The following PCDH15 variants were observed in gnomAD, a reference collection of about 807,000 sequenced individuals.
The protein encoded by PCDH15 is protocadherin-15.
PCDH15 carries 129 observed loss-of-function variants against 178.5 expected under a neutral mutation model. The observed-to-expected ratio is 0.72, with a 90% CI of 0.63 to 0.84. PCDH15 has a LOEUF of 0.84. PCDH15 is among the 40% of genes least tolerant of loss of function. The pLI is 0.00. For missense variants in PCDH15, 2,230 were observed against 2,099.9 expected, an observed-to-expected ratio of 1.06 and a Z score of -1.21; for synonymous variants, 800 against 732.0, an observed-to-expected ratio of 1.09 and a Z score of -1.50.
intron 15 of PCDH15, among the ~76,000 whole-genome samples, chr10:54,118,336 G>T (rs1000555506): frequency 6.6e-6 from 1 of 152,122 alleles, no homozygotes; most frequent in South Asian, 2.1e-4. Context: ...ATAGAAGAAT[G>T]AAACTGGATT....
chr10:55,536,347 C>T (rs977826211), intron 2 of PCDH15, among the ~76,000 whole-genome samples: 10 of 151,950 alleles, frequency 6.6e-5, no homozygotes, highest in African/African-American at 2.2e-4. Flanking sequence ...TGTCAGTTCC[C>T]AGATCCTATT....
intron 1 of PCDH15, among the ~76,000 whole-genome samples, chr10:55,261,129 A>C (rs931131271): frequency 2.0e-5 from 3 of 152,220 alleles, no homozygotes; most frequent in African/African-American, 7.2e-5. Flanking sequence ...CAACAAATCA[A>C]AATTCTTTAG....
intron 3 of PCDH15, among the ~76,000 whole-genome samples, chr10:54,436,307 G>A (rs944602376): frequency 6.6e-6 from 1 of 151,848 alleles, no homozygotes. Flanking sequence ...AGAAAGTAAA[G>A]TTACCCTGGC....
chr10:54,153,325 T>TG, intron 13 of PCDH15, 32 bp from the exon 14 acceptor site: 1 of 1,612,152 alleles, frequency 6.2e-7, no homozygotes, highest in Non-Finnish European at 8.5e-7. Context: ...TAAATCCTCT[T>TG]GGGTCTCAAC....
chr10:54,218,313 A>AC (rs1208636102), intron 9 of PCDH15, among the ~76,000 whole-genome samples: 1 of 152,200 alleles, frequency 6.6e-6, no homozygotes. Flanking sequence ...CCACATACAT[A>AC]CCACTCAATA....
intron 20 of PCDH15, 34 bp from the exon 21 acceptor site, chr10:53,995,799 T>C: frequency 6.3e-7 from 1 of 1,593,732 alleles, no homozygotes; most frequent in South Asian, 1.1e-5. Flanking sequence ...AGTACTTCAG[T>C]TGAAACCAGG....
rs1843311536 is a variant in PCDH15, at chr10:55,302,497, G to A, written c.-156+17102C>T. Among the ~76,000 whole-genome samples the A allele has an allele frequency of 4.6e-5, 7 of 152,174 alleles. No homozygotes were observed. In the South Asian group the frequency reaches 1.5e-3, roughly 32 times the overall value. On this transcript the variant is annotated intron_variant, in intron 1 of 5. Coordinates refer to the PCDH15 transcript ENST00000458638. ...AGGGTAAGTTGGCAGGCTGACCAAG[G>A]AAAACCGTATTTTGCACCTAGAGTG...
chr10:54,841,311 C>T (rs1953413056), intron 3 of PCDH15, among the ~76,000 whole-genome samples: 1 of 151,704 alleles, frequency 6.6e-6, no homozygotes, highest in African/African-American at 2.4e-5. Flanking sequence ...CACTCAAAAA[C>T]AACCAATGAG....
At chr10:53,964,667 T>G (rs2134342599) in intron 21 of PCDH15, among the ~76,000 whole-genome samples, 1 of 152,222 alleles carries the variant, frequency 6.6e-6, no homozygotes, top group Middle Eastern at 3.4e-3. Flanking sequence ...GTTAGGGAAC[T>G]GCCAGTTCTG....
chr10:54,667,066 T>C (rs1694666533), intron 1 of PCDH15, among the ~76,000 whole-genome samples: 1 of 151,994 alleles, frequency 6.6e-6, no homozygotes, highest in African/African-American at 2.4e-5. Flanking sequence ...ACAAAACTCA[T>C]AAAAAATCTA....
At chr10:54,410,646 A>G (rs1414152450) in intron 3 of PCDH15, among the ~76,000 whole-genome samples, 2 of 152,150 alleles carry the variant, frequency 1.3e-5, no homozygotes, top group African/African-American at 4.8e-5. Flanking sequence ...AATCTCATTC[A>G]CGTTTTGATG....
intron 2 of PCDH15, among the ~76,000 whole-genome samples, chr10:55,547,938 A>AGAGAGAGG (rs1841924825): frequency 6.7e-6 from 1 of 149,608 alleles, no homozygotes; most frequent in African/African-American, 2.5e-5. Context: ...AGAGAGAGAG[A>AGAGAGAGG]GAGAGAGAGA....
chr10:54,328,104 T>G (rs955509848), intron 7 of PCDH15, among the ~76,000 whole-genome samples: 1 of 151,996 alleles, frequency 6.6e-6, no homozygotes, highest in Admixed American at 6.6e-5. Context: ...TTCACTGACC[T>G]AAAAATATTT....
At chr10:54,472,496 T>G (rs1467691099) in intron 3 of PCDH15, among the ~76,000 whole-genome samples, 1 of 152,168 alleles carries the variant, frequency 6.6e-6, no homozygotes, top group African/African-American at 2.4e-5. Context: ...GTATGTGTGT[T>G]TTTTTCAAAA....
chr10:54,182,597 G>A (rs913080400), intron 13 of PCDH15, among the ~76,000 whole-genome samples: 1 of 151,606 alleles, frequency 6.6e-6, no homozygotes, highest in African/African-American at 2.4e-5. Flanking sequence ...AGATAAATCA[G>A]GAATAAAGAT....
intron 4 of PCDH15, among the ~76,000 whole-genome samples, chr10:54,375,354 G>C (rs1465597473): frequency 1.3e-5 from 2 of 152,064 alleles, no homozygotes; most frequent in Admixed American, 6.6e-5. Context: ...TCTGCAGAGA[G>C]AAAAATAGAG....
intron 2 of PCDH15, chr10:54,606,824 C>T (rs552600691): frequency 6.6e-6 from 1 of 152,102 alleles, no homozygotes; most frequent in Admixed American, 6.6e-5. Flanking sequence ...AACTTAAGGC[C>T]AAGTCACATC....
chr10:54,570,191 C>CTGGA (rs1420907414), intron 2 of PCDH15, among the ~76,000 whole-genome samples: 1 of 152,018 alleles, frequency 6.6e-6, no homozygotes, highest in Non-Finnish European at 1.5e-5. Context: ...TGGAACCATA[C>CTGGA]TGGAGCCTAA....
chr10:54,526,408 GGTT>G (rs2083367189), intron 3 of PCDH15, among the ~76,000 whole-genome samples: 9 of 151,958 alleles, frequency 5.9e-5, no homozygotes, highest in Admixed American at 5.9e-4. Context: ...TGGTTAAAAA[GGTT>G]AACTGTTTTC....
Sources: gnomAD v4.1 joint callset for allele counts (sites outside exome capture counted in the v4.1 genomes callset) on GRCh38, gnomAD v4.1.1 for gene constraint, MANE v1.5 for transcripts, NCBI Gene and HGNC (gene_info 2026-07-23, HGNC 2026-07-21) for gene names.